The following CRTAC1 variants were observed in gnomAD, a reference collection of about 807,000 sequenced individuals.
CRTAC1 encodes the protein cartilage acidic protein 1, also known as acidic secreted protein in cartilage.
Under a neutral mutation model 67.8 loss-of-function variants are expected in CRTAC1, and 37 were observed. That is an observed-to-expected ratio of 0.55 (90% CI 0.42 to 0.72). The LOEUF is 0.72. Ranked by LOEUF, CRTAC1 falls within the 30% of genes least tolerant of loss-of-function variation. The pLI is 0.00. For synonymous variants in CRTAC1, 348 were observed against 371.0 expected, an observed-to-expected ratio of 0.94 and a Z score of 0.71; for missense variants, 780 against 931.6, an observed-to-expected ratio of 0.84 and a Z score of 2.12.
chr10:97,973,607 G>A (rs1411633456), intron 2 of CRTAC1, among the ~76,000 whole-genome samples: 1 of 152,030 alleles, frequency 6.6e-6, no homozygotes, highest in African/African-American at 2.4e-5. Context: ...CTACCAACCT[G>A]CTGATTTCTA....
chr10:97,906,205 G>T (rs1324839575), intron 6 of CRTAC1, among the ~76,000 whole-genome samples: 1 of 152,158 alleles, frequency 6.6e-6, no homozygotes. Flanking sequence ...TGAGACTTGA[G>T]AAAGAGGGTT....
At chr10:97,997,515 G>T (rs1246602408) in intron 2 of CRTAC1, among the ~76,000 whole-genome samples, 1 of 147,080 alleles carries the variant, frequency 6.8e-6, no homozygotes, top group African/African-American at 2.5e-5. Flanking sequence ...TACATTTTAA[G>T]TTCAAGCAAA....
At chr10:97,914,597 A>T (rs564656567) in intron 5 of CRTAC1, among the ~76,000 whole-genome samples, 1 of 152,110 alleles carries the variant, frequency 6.6e-6, no homozygotes, top group Admixed American at 6.5e-5. Flanking sequence ...TGCTAGTTCA[A>T]TGTCCTCAGA....
chr10:98,018,509 G>T (rs1298439367), intron 1 of CRTAC1, among the ~76,000 whole-genome samples: 1 of 152,162 alleles, frequency 6.6e-6, no homozygotes, highest in Non-Finnish European at 1.5e-5. Flanking sequence ...GACATTAATT[G>T]TGGGTTCCAT....
chr10:97,950,740 T>G (rs1053863916), intron 2 of CRTAC1, among the ~76,000 whole-genome samples: 3 of 152,176 alleles, frequency 2.0e-5, no homozygotes, highest in Non-Finnish European at 2.9e-5. Flanking sequence ...AAAAGGCCTA[T>G]TCTGCTAGCC....
At chr10:97,868,249 G>T (rs1328439320) in intron 14 of CRTAC1, 1 of 152,286 alleles carries the variant, frequency 6.6e-6, no homozygotes, top group Non-Finnish European at 1.5e-5. Context: ...TGTTAGAGCT[G>T]GCAGGGGATT....
intron 2 of CRTAC1, among the ~76,000 whole-genome samples, chr10:97,981,117 C>T (rs930660147): frequency 6.6e-6 from 1 of 152,160 alleles, no homozygotes; most frequent in Middle Eastern, 3.4e-3. Flanking sequence ...TAATTGTTCC[C>T]CTTGTTCTCA....
chr10:97,960,001 C>A (rs1016246495), intron 2 of CRTAC1, among the ~76,000 whole-genome samples: 1 of 152,250 alleles, frequency 6.6e-6, no homozygotes, highest in Non-Finnish European at 1.5e-5. Context: ...GCACACTCTG[C>A]CTAGCATGTA....
intron 14 of CRTAC1, chr10:97,870,351 A>AATGC (rs1415433825): frequency 2.0e-5 from 3 of 152,170 alleles, no homozygotes; most frequent in Non-Finnish European, 4.4e-5. Flanking sequence ...CAGACACAAA[A>AATGC]ATGCATATGC....
At position 97,895,112 on chromosome 10, in the gene CRTAC1, T is replaced by C; in HGVS notation, c.1486+133A>G. ...CAGGCTCATCTCAGAGTAGGGTTTGTCCCCAGTAGCTGGTGTCCACCATGG... is the reference window on the plus strand; with the variant it reads ...CAGGCTCATCTCAGAGTAGGGTTTGCCCCCAGTAGCTGGTGTCCACCATGG... On this transcript the variant is annotated intron_variant, in intron 11 of 14. Transcript: ENST00000370597. This position sits in a 1 kb window ranked among gnomAD's most constrained non-coding sequence, Gnocchi z 4.2. 1 of 849,536 alleles carries C rather than the reference T, an allele frequency of 1.2e-6. No individual in the cohort carries two copies. The highest frequency in any genetic ancestry group is 1.8e-6 in the Non-Finnish European group (1 of 559,234). 52.6% of individuals were successfully genotyped at this position (849,536 alleles called of 1,614,324 possible).
intron 2 of CRTAC1, among the ~76,000 whole-genome samples, chr10:98,010,252 C>T (rs559913976): frequency 6.6e-6 from 1 of 152,166 alleles, no homozygotes; most frequent in African/African-American, 2.4e-5. Context: ...GTTGGCCAGG[C>T]TGGTCTTGAA....
Position 97,896,455 on chromosome 10 carries a change from A to G in CRTAC1, c.1216+454T>C, listed in dbSNP as rs577098661. Reference sequence around the variant, plus strand: ...ACCCAGAGGGTAAAGTCACTTTTCCAAGACCACAAAGTGAGGCAATGGCAG... The same window carrying G: ...ACCCAGAGGGTAAAGTCACTTTTCCGAGACCACAAAGTGAGGCAATGGCAG... On this transcript the variant is annotated intron_variant, in intron 9 of 14. Transcript: ENST00000370597. Among the ~76,000 whole-genome samples, 27 of 152,290 alleles carry G rather than the reference A, an allele frequency of 1.8e-4. No individual in the cohort carries two copies. In the South Asian group the frequency reaches 4.8e-3, roughly 27 times the overall value.
chr10:97,994,013 T>C (rs957933958), intron 2 of CRTAC1, among the ~76,000 whole-genome samples: 2 of 152,076 alleles, frequency 1.3e-5, no homozygotes, highest in African/African-American at 4.8e-5. Context: ...TGCACCACCA[T>C]GCCTGGCTAA....
In CRTAC1 at chr10:97,975,284, A is replaced by G. The variant is rs1300847315; in HGVS notation, c.224+35854T>C. ...CCGGCTGACTGATGCGGCTGTCCTC[A>G]GCCCCCTCACGGAGCACGGGTGCTG... On this transcript the variant is annotated intron_variant, in intron 2 of 14. Transcript: ENST00000370597. The surrounding 1 kb of genome is among the most constrained non-coding windows in gnomAD (Gnocchi z 4.8). Among the ~76,000 whole-genome samples, 1 of 151,970 alleles carries G rather than the reference A, an allele frequency of 6.6e-6. No homozygotes were observed. The highest frequency in any genetic ancestry group is 6.6e-5 in the Admixed American group (1 of 15,260).
At chr10:97,974,307 C>A (rs868588340) in intron 2 of CRTAC1, among the ~76,000 whole-genome samples, 15 of 152,224 alleles carry the variant, frequency 9.9e-5, no homozygotes, top group East Asian at 5.8e-4. Context: ...CAGGCTCCCC[C>A]CCTGCTGCGT....
At chr10:97,917,703 T>A in intron 4 of CRTAC1, 47 bp from the exon 5 acceptor site, 1 of 1,448,682 alleles carries the variant, frequency 6.9e-7, no homozygotes, top group Non-Finnish European at 9.2e-7. Context: ...CCTTGGCTCA[T>A]CCCAGAAACC....
intron 2 of CRTAC1, among the ~76,000 whole-genome samples, chr10:97,986,635 A>T (rs2051987597): frequency 6.6e-6 from 1 of 152,264 alleles, no homozygotes; most frequent in South Asian, 2.1e-4. Context: ...AGAATTGAAA[A>T]ATCAGTCCTT....
intron 2 of CRTAC1, among the ~76,000 whole-genome samples, chr10:97,964,640 C>A (rs548538463): frequency 6.6e-6 from 1 of 152,140 alleles, no homozygotes; most frequent in Non-Finnish European, 1.5e-5. Flanking sequence ...GAAGGCTTGC[C>A]GACCACACAG....
At chr10:97,950,183 C>T (rs757421613) in intron 2 of CRTAC1, among the ~76,000 whole-genome samples, 9 of 145,170 alleles carry the variant, frequency 6.2e-5, no homozygotes, top group Non-Finnish European at 1.0e-4. Context: ...CAAGGTCAAA[C>T]GAGATAATAT....
Sources: gnomAD v4.1 joint callset for allele counts (sites outside exome capture counted in the v4.1 genomes callset) on GRCh38, gnomAD v4.1.1 for gene constraint, Gnocchi (gnomAD v3.1) non-coding constraint, MANE v1.5 for transcripts, NCBI Gene and HGNC (gene_info 2026-07-23, HGNC 2026-07-21) for gene names.